LRRC4C: variants seen among roughly 807,000 people sequenced by gnomAD.
The protein encoded by LRRC4C is leucine rich repeat containing 4C.
A neutral mutation model predicts 33.6 loss-of-function variants in LRRC4C; 5 were observed. That is an observed-to-expected ratio of 0.15 (90% CI 0.08 to 0.31). LRRC4C has a LOEUF of 0.31. Among genes scored for constraint, LRRC4C ranks in the 10% least tolerant of loss-of-function variants. The pLI, the probability that LRRC4C is intolerant of heterozygous loss-of-function variation, is 1.00. For missense variants in LRRC4C, 560 were observed against 796.7 expected (o/e 0.70, Z 3.58); for synonymous variants, 329 against 302.0 (o/e 1.09, Z -0.93).
At chr11:41,367,213 A>T (rs550521511) in intron 1 of LRRC4C, among the ~76,000 whole-genome samples, 1 of 152,254 alleles carries the variant, frequency 6.6e-6, no homozygotes, top group African/African-American at 2.4e-5. Flanking sequence ...TTGATAATAA[A>T]ATGAATCATG....
chr11:40,672,967 G>A (rs967446191), intron 2 of LRRC4C, among the ~76,000 whole-genome samples: 1 of 151,864 alleles, frequency 6.6e-6, no homozygotes, highest in African/African-American at 2.4e-5. Flanking sequence ...GAGGTCATAG[G>A]TGGAAAGACT....
At chr11:40,176,330 G>T (rs1205415944) in intron 5 of LRRC4C, among the ~76,000 whole-genome samples, 1 of 152,140 alleles carries the variant, frequency 6.6e-6, no homozygotes, top group African/African-American at 2.4e-5. Flanking sequence ...TAAGCTTATT[G>T]AGTGCAGGGA....
rs796072365 is a variant in LRRC4C at position 40,443,106 on chromosome 11, A to T, written c.-269-123385T>A. ...TTGGCCAACTGAGACTCATAAGAAG[A>T]GCTGGTTCAGTATATGATCAATCAG... On this transcript the variant is annotated intron_variant, in intron 3 of 6. Transcript: ENST00000528697. Among the ~76,000 whole-genome samples, 6 of 152,196 alleles carry T rather than the reference A, an allele frequency of 3.9e-5. No homozygotes were observed. In the South Asian group the frequency reaches 1.0e-3, roughly 26 times the overall value.
At chr11:41,404,643 G>T (rs1954162000) in intron 1 of LRRC4C, among the ~76,000 whole-genome samples, 1 of 151,972 alleles carries the variant, frequency 6.6e-6, no homozygotes. Context: ...TCACCAGAGT[G>T]ACAAGGGTAT....
intron 1 of LRRC4C, among the ~76,000 whole-genome samples, chr11:41,319,219 TA>T (rs1950883161): frequency 6.6e-6 from 1 of 152,194 alleles, no homozygotes; most frequent in African/African-American, 2.4e-5. Context: ...ACTAACTAAG[TA>T]GTATCAGCAG....
chr11:41,382,735 T>G (rs1417555806), intron 1 of LRRC4C, among the ~76,000 whole-genome samples: 3 of 152,014 alleles, frequency 2.0e-5, no homozygotes, highest in African/African-American at 7.2e-5. Flanking sequence ...TAAAAGAACT[T>G]GTAGTACAAA....
intron 2 of LRRC4C, among the ~76,000 whole-genome samples, chr11:40,857,104 A>T (rs999523053): frequency 1.3e-5 from 2 of 152,170 alleles, no homozygotes; most frequent in Non-Finnish European, 2.9e-5. Flanking sequence ...TTATACACCA[A>T]ATTTCTCTAT....
At chr11:40,492,727 G>A (rs192228396) in intron 3 of LRRC4C, among the ~76,000 whole-genome samples, 1 of 152,086 alleles carries the variant, frequency 6.6e-6, no homozygotes, top group Non-Finnish European at 1.5e-5. Flanking sequence ...AAATATTTAG[G>A]AGGATATCTA....
At chr11:40,660,566 G>A (rs1015210568) in intron 2 of LRRC4C, among the ~76,000 whole-genome samples, 8 of 152,148 alleles carry the variant, frequency 5.3e-5, no homozygotes, top group African/African-American at 1.9e-4. Context: ...ATATCTCGTT[G>A]AGACATTTGC....
intron 4 of LRRC4C, among the ~76,000 whole-genome samples, chr11:40,250,922 G>A (rs1866740279): frequency 6.6e-6 from 1 of 152,108 alleles, no homozygotes; most frequent in Non-Finnish European, 1.5e-5. Flanking sequence ...AGTGAAATGT[G>A]CCTGCCTACA....
intron 1 of LRRC4C, among the ~76,000 whole-genome samples, chr11:41,095,964 G>A (rs1167797725): frequency 6.6e-6 from 1 of 152,086 alleles, no homozygotes; most frequent in East Asian, 1.9e-4. Flanking sequence ...TGTAAGCATA[G>A]TTATTCACTC....
chr11:41,014,589 G>A (rs1855448857), intron 1 of LRRC4C, among the ~76,000 whole-genome samples: 1 of 151,638 alleles, frequency 6.6e-6, no homozygotes, highest in African/African-American at 2.4e-5. Flanking sequence ...AAACCTGGAG[G>A]CCCACACATT....
intron 1 of LRRC4C, among the ~76,000 whole-genome samples, chr11:41,353,443 A>G (rs1952051883): frequency 6.6e-6 from 1 of 152,144 alleles, no homozygotes; most frequent in Non-Finnish European, 1.5e-5. Context: ...TACCAGATGT[A>G]TAAAGGGGAG....
chr11:40,265,314 G>C (rs577131582), intron 4 of LRRC4C, among the ~76,000 whole-genome samples: 2 of 152,192 alleles, frequency 1.3e-5, no homozygotes, highest in Admixed American at 6.5e-5. Flanking sequence ...GGACTTTCCC[G>C]TGTCATTTTA....
At chr11:40,123,694 T>C (rs1299347052) in intron 6 of LRRC4C, among the ~76,000 whole-genome samples, 1 of 152,032 alleles carries the variant, frequency 6.6e-6, no homozygotes, top group Non-Finnish European at 1.5e-5. Flanking sequence ...ATGCAATCCC[T>C]GTCAAAATAC....
intron 3 of LRRC4C, among the ~76,000 whole-genome samples, chr11:40,336,712 C>T (rs556995750): frequency 1.5e-3 from 234 of 152,128 alleles, no homozygotes; most frequent in Non-Finnish European, 2.1e-3. Context: ...CACGGTGGCT[C>T]ACGCCTGTAA....
intron 1 of LRRC4C, among the ~76,000 whole-genome samples, chr11:41,089,761 A>G (rs1328546870): frequency 6.6e-6 from 1 of 152,102 alleles, no homozygotes; most frequent in Non-Finnish European, 1.5e-5. Flanking sequence ...TCAATGCCTT[A>G]TCTATCCACA....
At chr11:41,241,885 T>C (rs938298852) in intron 1 of LRRC4C, among the ~76,000 whole-genome samples, 5 of 152,176 alleles carry the variant, frequency 3.3e-5, no homozygotes, top group African/African-American at 1.2e-4. Context: ...AAATCAGAAT[T>C]CCCCAAATAT....
chr11:41,245,560 A>G (rs751318830), intron 1 of LRRC4C, among the ~76,000 whole-genome samples: 2 of 152,222 alleles, frequency 1.3e-5, no homozygotes, highest in Non-Finnish European at 2.9e-5. Flanking sequence ...TGGAGATGAC[A>G]GGAACTGACA....
Sources: gnomAD v4.1 joint callset for allele counts (sites outside exome capture counted in the v4.1 genomes callset) on GRCh38, gnomAD v4.1.1 for gene constraint, MANE v1.5 for transcripts, NCBI Gene and HGNC (gene_info 2026-07-23, HGNC 2026-07-21) for gene names.